EYS: variants seen among roughly 807,000 people sequenced by gnomAD.
The protein encoded by EYS is protein eyes shut homolog.
A neutral mutation model predicts 282.1 loss-of-function variants in EYS; 250 were observed. The observed-to-expected ratio is 0.89, with a 90% CI of 0.80 to 0.98. The LOEUF (loss-of-function observed/expected upper bound fraction) is 0.98, where lower values mean the gene tolerates loss of function less well. EYS is among the 50% of genes least tolerant of loss of function. The probability of loss-of-function intolerance (pLI) is 0.00; values close to 1 mark genes in which losing one functional copy is unlikely to be tolerated. For synonymous variants in EYS, 1,355 were observed against 1,282.9 expected (o/e 1.06, Z -1.20); for missense variants, 4,016 against 3,709.0 (o/e 1.08, Z -2.15).
intron 34 of EYS, among the ~76,000 whole-genome samples, chr6:63,993,772 T>C (rs965184443): frequency 4.6e-5 from 7 of 151,906 alleles, no homozygotes; most frequent in Non-Finnish European, 1.0e-4. Context: ...ATTCCAAAGA[T>C]ATTTTTACAA....
At chr6:64,025,857 A>G (rs895413047) in intron 33 of EYS, among the ~76,000 whole-genome samples, 3 of 152,166 alleles carry the variant, frequency 2.0e-5, no homozygotes, top group Admixed American at 6.5e-5. Context: ...ACATCTTTAT[A>G]GGAAAGGGGT....
intron 16 of EYS, among the ~76,000 whole-genome samples, chr6:64,904,558 G>C (rs1767766652): frequency 6.6e-6 from 1 of 152,162 alleles, no homozygotes; most frequent in South Asian, 2.1e-4. Context: ...ATTGAGGTTA[G>C]ATTTTTCACA....
intron 5 of EYS, among the ~76,000 whole-genome samples, chr6:65,414,648 A>G (rs1767161545): frequency 6.6e-6 from 1 of 152,266 alleles, no homozygotes; most frequent in Non-Finnish European, 1.5e-5. Flanking sequence ...AAAGAATTTA[A>G]GGGAAGAAAT....
intron 35 of EYS, among the ~76,000 whole-genome samples, chr6:63,975,666 T>C (rs1198988490): frequency 6.6e-6 from 1 of 152,048 alleles, no homozygotes; most frequent in Non-Finnish European, 1.5e-5. Context: ...TATCTTCTGG[T>C]AATGCAAAAA....
intron 2 of EYS, among the ~76,000 whole-genome samples, chr6:65,561,361 C>G (rs1382986551): frequency 6.6e-6 from 1 of 152,282 alleles, no homozygotes; most frequent in East Asian, 1.9e-4. Context: ...GAAGAGACTT[C>G]TTGAGTCACC....
chr6:65,391,284 G>A (rs1766020294), intron 7 of EYS, among the ~76,000 whole-genome samples: 1 of 152,066 alleles, frequency 6.6e-6, no homozygotes, highest in South Asian at 2.1e-4. Context: ...TACTCTTGAT[G>A]AGAAAATGGC....
chr6:65,069,359 T>C (rs1773841762), intron 12 of EYS, among the ~76,000 whole-genome samples: 1 of 152,032 alleles, frequency 6.6e-6, no homozygotes, highest in Admixed American at 6.6e-5. Flanking sequence ...ATTTTCTCCA[T>C]TTCCTTAAGT....
chr6:64,393,901 A>G (rs1053345687), intron 28 of EYS, among the ~76,000 whole-genome samples: 2 of 151,882 alleles, frequency 1.3e-5, no homozygotes, highest in African/African-American at 4.8e-5. Flanking sequence ...TCAGCCCAAA[A>G]TCTCCTTAAG....
intron 12 of EYS, among the ~76,000 whole-genome samples, chr6:65,059,741 G>C (rs1773516011): frequency 1.3e-5 from 2 of 152,114 alleles, no homozygotes. Flanking sequence ...AAGCACCTCA[G>C]GAAGAAACCT....
chr6:65,160,923 G>T (rs1412413451), intron 12 of EYS, among the ~76,000 whole-genome samples: 1 of 138,358 alleles, frequency 7.2e-6, no homozygotes, highest in Non-Finnish European at 1.6e-5. Flanking sequence ...TCAATTTTTG[G>T]TCTCATTCAT....
intron 35 of EYS, among the ~76,000 whole-genome samples, chr6:63,895,524 C>T (rs1290055927): frequency 6.6e-6 from 1 of 152,142 alleles, no homozygotes; most frequent in African/African-American, 2.4e-5. Context: ...CCTGTGCTAG[C>T]CATTCTATGA....
At chr6:65,296,995 AAC>A (rs957800554) in intron 11 of EYS, among the ~76,000 whole-genome samples, 1 of 151,670 alleles carries the variant, frequency 6.6e-6, no homozygotes, top group Non-Finnish European at 1.5e-5. Flanking sequence ...CGTGCACAGA[AAC>A]ACACACACAT....
intron 35 of EYS, among the ~76,000 whole-genome samples, chr6:63,951,259 T>C (rs1034999433): frequency 5.3e-5 from 8 of 152,146 alleles, no homozygotes; most frequent in Non-Finnish European, 1.0e-4. Context: ...GCAATGCCAC[T>C]TGACCCCAAT....
chr6:65,178,637 C>T (rs1053703705), intron 12 of EYS, among the ~76,000 whole-genome samples: 37 of 151,964 alleles, frequency 2.4e-4, no homozygotes, highest in Non-Finnish European at 4.4e-4. Flanking sequence ...CCACTGTCAA[C>T]ATTAGACAGA....
At chr6:65,353,242 A>G (rs1254601260) in intron 9 of EYS, among the ~76,000 whole-genome samples, 3 of 151,966 alleles carry the variant, frequency 2.0e-5, no homozygotes, top group African/African-American at 7.2e-5. Context: ...TTACTTCACT[A>G]TTATCTCTCT....
chr6:64,486,560 T>C (rs1001307416), intron 26 of EYS, among the ~76,000 whole-genome samples: 8 of 151,470 alleles, frequency 5.3e-5, no homozygotes, highest in South Asian at 2.1e-4. Context: ...AGTTGATGAA[T>C]TGCTTGCACA....
At chr6:65,290,455 T>C (rs1448101841) in intron 12 of EYS, among the ~76,000 whole-genome samples, 2 of 151,296 alleles carry the variant, frequency 1.3e-5, no homozygotes, top group South Asian at 2.1e-4. Context: ...GAATTTTGCA[T>C]ATCATTGAAT....
intron 12 of EYS, among the ~76,000 whole-genome samples, chr6:65,181,312 A>T (rs1274596922): frequency 6.6e-6 from 1 of 152,186 alleles, no homozygotes; most frequent in East Asian, 1.9e-4. Context: ...TACTCATCTG[A>T]CAAAGGGCTA....
chr6:65,019,390 A>T (rs1360725487), intron 13 of EYS, among the ~76,000 whole-genome samples: 3 of 152,170 alleles, frequency 2.0e-5, no homozygotes, highest in Non-Finnish European at 4.4e-5. Context: ...ACACAAGACA[A>T]TGTGTGGCTA....
Sources: allele counts gnomAD v4.1 joint callset (sites outside exome capture counted in the v4.1 genomes callset), GRCh38; gene constraint gnomAD v4.1.1; transcripts MANE v1.5; gene names NCBI Gene and HGNC (gene_info 2026-07-23, HGNC 2026-07-21).